ZNF827: variants seen among roughly 807,000 people sequenced by gnomAD.
ZNF827 encodes zinc finger protein 827.
Under a neutral mutation model 102.4 loss-of-function variants are expected in ZNF827, and 13 were observed. The ratio of observed to expected loss-of-function variants is 0.13; its 90% confidence interval spans 0.08 to 0.20. The LOEUF is 0.20. Ranked by LOEUF, ZNF827 falls within the 10% of genes least tolerant of loss-of-function variation. ZNF827 has a pLI of 1.00. For synonymous variants in ZNF827, 523 were observed against 536.2 expected, an observed-to-expected ratio of 0.98 and a Z score of 0.34; for missense variants, 1,103 against 1,344.4, an observed-to-expected ratio of 0.82 and a Z score of 2.81.
intron 5 of ZNF827, among the ~76,000 whole-genome samples, chr4:145,852,801 C>T (rs1031415958): frequency 1.3e-5 from 2 of 152,128 alleles, no homozygotes; most frequent in African/African-American, 2.4e-5. Flanking sequence ...GTTGCCCAGG[C>T]TGGAGTGCAG....
chr4:145,938,313 A>C, intron 1 of ZNF827, 52 bp downstream of exon 1: 1 of 1,607,544 alleles, frequency 6.2e-7, no homozygotes, highest in South Asian at 1.1e-5. Flanking sequence ...GGGAAAGAGG[A>C]GAGGGAGGGC....
intron 7 of ZNF827, chr4:145,832,311 A>T (rs1387076697): frequency 7.2e-6 from 1 of 138,718 alleles, no homozygotes; most frequent in African/African-American, 3.0e-5. Flanking sequence ...CCACACACAC[A>T]CACACACACA....
chr4:145,870,289 T>G lies in ZNF827; in HGVS notation c.1937A>C (p.Asp646Ala). 1 of 1,614,108 alleles carries G rather than the reference T, an allele frequency of 6.2e-7. No individual in the cohort carries two copies. The highest frequency in any genetic ancestry group is 1.3e-5 in the African/African-American group (1 of 75,018). ...QEGKGSVLRR[D>A]VSVKAASELL... is the part of the protein sequence containing the mutation. The stretch of plus-strand genomic sequence containing the variant: ...TTCAGAGGCTGCTTTGACTGACACA[T>G]CCCGCCTTAGCACACTTCCCTTCCC... Residue 646 changes from aspartate (D) to alanine (A), a missense_variant, in exon 5 of 15, where the codon GAT (aspartate) becomes GCT (alanine). Physicochemically the swap from Asp to Ala is moderately radical, Grantham distance 126. Transcript: ENST00000508784.
intron 1 of ZNF827, among the ~76,000 whole-genome samples, chr4:145,922,788 G>A (rs1344039294): frequency 6.6e-6 from 1 of 152,112 alleles, no homozygotes; most frequent in Non-Finnish European, 1.5e-5. Flanking sequence ...ATCGGTATTT[G>A]GCAGACTCTT....
At chr4:145,796,623 CTTTTTTTTTTTTT>C (rs34553120) in intron 8 of ZNF827, among the ~76,000 whole-genome samples, 26,675 of 114,296 alleles carry the variant, frequency 0.23, 3,560 homozygotes, top group East Asian at 0.7. Context: ...ATTTGTTCCT[CTTTTTTTTTTTTT>C]TTTTTTTTTG....
At chr4:145,881,864 C>T (rs1045348475) in intron 4 of ZNF827, among the ~76,000 whole-genome samples, 1 of 152,166 alleles carries the variant, frequency 6.6e-6, no homozygotes, top group African/African-American at 2.4e-5. Flanking sequence ...CGTAGCTGTA[C>T]CAAAAAATAC....
At chr4:145,845,110 T>G (rs1745804829) in intron 7 of ZNF827, among the ~76,000 whole-genome samples, 1 of 152,226 alleles carries the variant, frequency 6.6e-6, no homozygotes, top group South Asian at 2.1e-4. Context: ...GCTCATATCT[T>G]GGGCTAACTC....
rs1030065321 is a variant in ZNF827, at chr4:145,918,415, T to TAA, written c.44-15202_44-15201dup. Among the ~76,000 whole-genome samples the TAA allele has an allele frequency of 5.0e-5, 6 of 121,112 alleles. 1 individual carries two copies. The highest frequency in any genetic ancestry group is 4.4e-4 in the East Asian group (2 of 4,580). 79.5% of individuals were successfully genotyped at this position (121,112 alleles called of 152,430 possible). On this transcript the variant is annotated intron_variant, in intron 1 of 14. Coordinates refer to ENST00000508784, the MANE Select transcript of ZNF827 (RefSeq NM_001306215.2). The stretch of plus-strand genomic sequence containing the variant: ...AGAACAGGTACTTTTTCTTTATATA[T>TAA]AAAAAAAAAAAGCGGAATGGTGCTC...
At chr4:145,798,007 A>T (rs1014698574) in intron 8 of ZNF827, among the ~76,000 whole-genome samples, 2 of 152,354 alleles carry the variant, frequency 1.3e-5, no homozygotes, top group African/African-American at 4.8e-5. Context: ...CGAATTTAAG[A>T]TTAAATGGAT....
At chr4:145,874,714 C>A (rs144043664) in intron 4 of ZNF827, among the ~76,000 whole-genome samples, 1 of 152,126 alleles carries the variant, frequency 6.6e-6, no homozygotes, top group Non-Finnish European at 1.5e-5. Flanking sequence ...TGTGCAGGTG[C>A]GGAACTCAAC....
chr4:145,796,059 T>G (rs1740347364), intron 8 of ZNF827, among the ~76,000 whole-genome samples: 1 of 152,184 alleles, frequency 6.6e-6, no homozygotes, highest in South Asian at 2.1e-4. Flanking sequence ...TTCTTTCAGG[T>G]TTCACTGTCT....
At chr4:145,912,742 G>C (rs1177491245) in intron 1 of ZNF827, among the ~76,000 whole-genome samples, 1 of 152,202 alleles carries the variant, frequency 6.6e-6, no homozygotes, top group African/African-American at 2.4e-5. Flanking sequence ...TGGGCGAGAG[G>C]TCTGGAACAG....
At chr4:145,920,772 A>G (rs1386194872) in intron 1 of ZNF827, among the ~76,000 whole-genome samples, 2 of 152,100 alleles carry the variant, frequency 1.3e-5, no homozygotes, top group Non-Finnish European at 2.9e-5. Flanking sequence ...AATTTCATTC[A>G]TTTCTTCATT....
intron 4 of ZNF827, among the ~76,000 whole-genome samples, chr4:145,881,346 C>T (rs543003084): frequency 3.9e-4 from 59 of 152,234 alleles, no homozygotes; most frequent in African/African-American, 9.4e-4. Context: ...CTCAATTTTA[C>T]GAAATTAATA....
intron 1 of ZNF827, among the ~76,000 whole-genome samples, chr4:145,924,170 G>T (rs1217183419): frequency 6.6e-6 from 1 of 152,180 alleles, no homozygotes; most frequent in Admixed American, 6.5e-5. Context: ...CACTAACACT[G>T]TTACACATCT....
At chr4:145,863,507 G>C (rs1747912231) in intron 5 of ZNF827, among the ~76,000 whole-genome samples, 1 of 152,076 alleles carries the variant, frequency 6.6e-6, no homozygotes. Context: ...CGAAAATGTG[G>C]TATATCCATA....
chr4:145,919,959 T>C (rs1019036737), intron 1 of ZNF827, among the ~76,000 whole-genome samples: 5 of 152,196 alleles, frequency 3.3e-5, no homozygotes, highest in Non-Finnish European at 7.3e-5. Flanking sequence ...CCCACTCGAA[T>C]CTTATCCTGC....
intron 7 of ZNF827, among the ~76,000 whole-genome samples, chr4:145,835,543 AC>A (rs935620581): frequency 6.7e-6 from 1 of 149,560 alleles, no homozygotes; most frequent in African/African-American, 2.5e-5. Context: ...TGCTTCCCTG[AC>A]TATTCCTGGA....
intron 7 of ZNF827, among the ~76,000 whole-genome samples, chr4:145,828,548 A>T (rs1436120400): frequency 6.6e-6 from 1 of 152,224 alleles, no homozygotes; most frequent in Non-Finnish European, 1.5e-5. Context: ...CTTCAGTAGC[A>T]GCATCTGGAA....
Sources: allele counts gnomAD v4.1 joint callset (sites outside exome capture counted in the v4.1 genomes callset), GRCh38; gene constraint gnomAD v4.1.1; transcripts MANE v1.5; gene names NCBI Gene and HGNC (gene_info 2026-07-23, HGNC 2026-07-21).